Variants in ARIH2 observed in about 807,000 individuals in gnomAD.
ARIH2 encodes the protein ariadne RBR E3 ubiquitin protein ligase 2, also known as E3 ubiquitin-protein ligase ARIH2.
A neutral mutation model predicts 79.8 loss-of-function variants in ARIH2; 12 were observed. The observed-to-expected ratio is 0.15, with a 90% CI of 0.10 to 0.24. The LOEUF (loss-of-function observed/expected upper bound fraction) is 0.24, where lower values mean the gene tolerates loss of function less well. Ranked by LOEUF, ARIH2 falls within the 10% of genes least tolerant of loss-of-function variation. The pLI is 1.00. For synonymous variants in ARIH2, 224 were observed against 213.9 expected, an observed-to-expected ratio of 1.05 and a Z score of -0.41; for missense variants, 301 against 618.3, an observed-to-expected ratio of 0.49 and a Z score of 5.44.
intron 3 of ARIH2, among the ~76,000 whole-genome samples, chr3:48,932,269 T>TC: frequency 6.6e-6 from 1 of 152,158 alleles, no homozygotes; most frequent in Non-Finnish European, 1.5e-5. Context: ...GAATGAACTA[T>TC]CCTACACAAA....
rs752659690 is a variant in ARIH2 at position 48,919,023 on chromosome 3, C to A, written c.-162+25C>A. On this transcript the variant is annotated intron_variant, in intron 1 of 15. Coordinates refer to ENST00000356401, the MANE Select transcript of ARIH2 (RefSeq NM_006321.4). ...GGTAAGTGCGCGGCGCACGTCACGGCCTTGTTTACCTTGGCTGGCCGCTGG... is the reference window on the plus strand; with the variant it reads ...GGTAAGTGCGCGGCGCACGTCACGGACTTGTTTACCTTGGCTGGCCGCTGG... The A allele has an allele frequency of 3.3e-5, 46 of 1,387,496 alleles. No individual in the cohort carries two copies. The South Asian group carries it at 7.8e-4, about 23-fold the overall frequency. 85.9% of individuals were successfully genotyped at this position (1,387,496 alleles called of 1,614,324 possible).
intron 5 of ARIH2, 103 bp from the exon 6 acceptor site, chr3:48,967,022 T>A: frequency 8.0e-7 from 1 of 1,255,266 alleles, no homozygotes. Context: ...TGATACTTGT[T>A]GCAGGGTGAG....
At chr3:48,919,051 G>T in intron 1 of ARIH2, 53 bp downstream of exon 1, 1 of 1,327,768 alleles carries the variant, frequency 7.5e-7, no homozygotes, top group Non-Finnish European at 9.6e-7. Context: ...GCCGCTGGGG[G>T]GGCCTCTCCG....
intron 8 of ARIH2, 43 bp downstream of exon 8, chr3:48,970,747 C>T (rs1247447354): frequency 6.8e-7 from 1 of 1,479,066 alleles, no homozygotes; most frequent in Non-Finnish European, 9.4e-7. Context: ...GGCTCATGCC[C>T]CATCCTCCAA....
At chr3:48,981,259 G>A (rs775378397) in intron 13 of ARIH2, among the ~76,000 whole-genome samples, 2 of 151,546 alleles carry the variant, frequency 1.3e-5, no homozygotes, top group Non-Finnish European at 2.9e-5. Context: ...TTGAGTCTGG[G>A]AGGCAGAGTT....
At chr3:48,963,860 CTTTG>C (rs372475207) in intron 4 of ARIH2, among the ~76,000 whole-genome samples, 36 of 152,200 alleles carry the variant, frequency 2.4e-4, no homozygotes, top group African/African-American at 7.7e-4. Context: ...CTGCCTCCTC[CTTTG>C]AAATGCCTGT....
intron 3 of ARIH2, among the ~76,000 whole-genome samples, chr3:48,938,973 T>A (rs897436941): frequency 5.3e-5 from 8 of 151,504 alleles, no homozygotes; most frequent in Non-Finnish European, 1.0e-4. Context: ...ACCCATTTAT[T>A]TATTTAATTT....
At chr3:48,928,481 G>A (rs1024668611) in intron 3 of ARIH2, among the ~76,000 whole-genome samples, 2 of 152,126 alleles carry the variant, frequency 1.3e-5, no homozygotes, top group Non-Finnish European at 2.9e-5. Context: ...CATTTTGACA[G>A]TTTCCCAACA....
chr3:48,985,640 C>T lies in ARIH2; in HGVS notation c.*2370C>T, dbSNP rs2092885479. ...AGGAGTGCCTTCCTATCAGTCAGCC[C>T]CTTCTTCCAGAGGGCTGTGGAGGCC... On this transcript the variant is annotated 3_prime_UTR_variant, in exon 16 of 16. Transcript: ENST00000356401. 2 of 152,198 alleles carry T rather than the reference C, an allele frequency of 1.3e-5. No individual in the cohort carries two copies. Among genetic ancestry groups the T allele is most frequent in the East Asian group, 1.9e-4 (1 of 5,204 alleles). 9.4% of individuals were successfully genotyped at this position (152,198 alleles called of 1,614,324 possible).
At chr3:48,930,341 A>AGCGT (rs1245237972) in intron 3 of ARIH2, among the ~76,000 whole-genome samples, 1 of 152,188 alleles carries the variant, frequency 6.6e-6, no homozygotes, top group East Asian at 1.9e-4. Context: ...AAATTAGCTG[A>AGCGT]GCGTGCTAGC....
intron 3 of ARIH2, among the ~76,000 whole-genome samples, chr3:48,947,217 GA>G (rs1297289190): frequency 6.6e-6 from 1 of 152,190 alleles, no homozygotes; most frequent in Non-Finnish European, 1.5e-5. Context: ...GAGGCGGGGG[GA>G]TCACCTGAGG....
intron 11 of ARIH2, among the ~76,000 whole-genome samples, chr3:48,978,421 A>ATGTGTG (rs1188251261): frequency 2.2e-3 from 120 of 55,784 alleles, no homozygotes; most frequent in Non-Finnish European, 3.2e-3. Context: ...TAATTTGTGT[A>ATGTGTG]TGTGTGTGTG....
intron 9 of ARIH2, among the ~76,000 whole-genome samples, chr3:48,974,406 G>A (rs2092401001): frequency 6.6e-6 from 1 of 152,218 alleles, no homozygotes; most frequent in Non-Finnish European, 1.5e-5. Context: ...GGAGAGATGA[G>A]CTTTAGATGT....
In ARIH2 at chr3:48,919,953, G is replaced by A. The variant is rs1038543322; in HGVS notation, c.-162+955G>A. ...GTTGGTTGTTAGGTCCCCTGAACAT[G>A]TGACTTTGGCTCTGGAGGAAATTTT... On this transcript the variant is annotated intron_variant, in intron 1 of 15. Coordinates refer to ENST00000356401, the MANE Select transcript of ARIH2 (RefSeq NM_006321.4). Among the ~76,000 whole-genome samples, 4 of 151,526 alleles carry A rather than the reference G, an allele frequency of 2.6e-5. No homozygotes were observed. In the Admixed American group the frequency reaches 2.6e-4, roughly 10 times the overall value.
At chr3:48,942,866 G>T (rs1341448362) in intron 3 of ARIH2, among the ~76,000 whole-genome samples, 1 of 151,972 alleles carries the variant, frequency 6.6e-6, no homozygotes, top group Admixed American at 6.6e-5. Context: ...GGTCAGGCTG[G>T]TCTCAAACTC....
chr3:48,925,788 G>A (rs1018453282), intron 2 of ARIH2, among the ~76,000 whole-genome samples: 1 of 149,590 alleles, frequency 6.7e-6, no homozygotes, highest in African/African-American at 2.5e-5. Context: ...GCGGGATCTC[G>A]GCTCACTGCA....
chr3:48,931,753 A>G (rs1250976092), intron 3 of ARIH2, among the ~76,000 whole-genome samples: 1 of 152,070 alleles, frequency 6.6e-6, no homozygotes, highest in Non-Finnish European at 1.5e-5. Context: ...GCGGTGGCTC[A>G]CGCCTGTAAT....
intron 11 of ARIH2, among the ~76,000 whole-genome samples, chr3:48,978,421 ATGTGTGTGTGTG>A (rs1188251261): frequency 5.4e-4 from 30 of 55,796 alleles, no homozygotes; most frequent in African/African-American, 1.5e-3. Context: ...TAATTTGTGT[ATGTGTGTGTGTG>A]TGTGTGTGTG....
chr3:48,947,800 C>T (rs1576315201), intron 3 of ARIH2, among the ~76,000 whole-genome samples: 1 of 152,180 alleles, frequency 6.6e-6, no homozygotes, highest in African/African-American at 2.4e-5. Flanking sequence ...AGTGGACATT[C>T]ATATACTATA....
Sources: gnomAD v4.1 joint callset for allele counts (sites outside exome capture counted in the v4.1 genomes callset) on GRCh38, gnomAD v4.1.1 for gene constraint, MANE v1.5 for transcripts, NCBI Gene and HGNC (gene_info 2026-07-23, HGNC 2026-07-21) for gene names.